The following BUB1 variants were observed in gnomAD, a reference collection of about 807,000 sequenced individuals.
BUB1 encodes the protein BUB1 mitotic checkpoint serine/threonine kinase, also known as mitotic checkpoint serine/threonine-protein kinase BUB1.
A neutral mutation model predicts 135.2 loss-of-function variants in BUB1; 84 were observed. The ratio of observed to expected loss-of-function variants is 0.62; its 90% CI spans 0.52 to 0.74. The LOEUF is 0.74. BUB1 is among the 30% of genes least tolerant of loss of function. The probability of loss-of-function intolerance (pLI) is 0.00; values close to 1 mark genes in which losing one functional copy is unlikely to be tolerated. For missense variants in BUB1, 1,162 were observed against 1,288.3 expected, an observed-to-expected ratio of 0.90 and a Z score of 1.50; for synonymous variants, 403 against 434.4, an observed-to-expected ratio of 0.93 and a Z score of 0.90.
intron 13 of BUB1, 143 bp downstream of exon 13, chr2:110,658,267 C>A (rs932150330): frequency 4.7e-6 from 3 of 631,700 alleles, no homozygotes; most frequent in Non-Finnish European, 8.1e-6. Flanking sequence ...TTGTCAAGAA[C>A]TGTCTTATTT....
chr2:110,671,402 T>C (rs1186199690), intron 4 of BUB1, among the ~76,000 whole-genome samples: 1 of 152,214 alleles, frequency 6.6e-6, no homozygotes, highest in Non-Finnish European at 1.5e-5. Flanking sequence ...TGGTGATAGA[T>C]AAATGGAAGT....
intron 23 of BUB1, chr2:110,640,099 C>T (rs1689463764): frequency 1.7e-6 from 1 of 577,192 alleles, no homozygotes; most frequent in Middle Eastern, 4.7e-4. Context: ...TTCATTCTGT[C>T]ACACAGAGGA....
chr2:110,669,688 A>T (rs1459616845), intron 5 of BUB1, 135 bp from the exon 6 acceptor site: 1 of 565,228 alleles, frequency 1.8e-6, no homozygotes, highest in Non-Finnish European at 3.1e-6. Flanking sequence ...CTGTCTCAGA[A>T]ATTTCAACTA....
At chr2:110,677,471 G>A (rs1312255935) in intron 1 of BUB1, among the ~76,000 whole-genome samples, 2 of 152,270 alleles carry the variant, frequency 1.3e-5, no homozygotes, top group South Asian at 2.1e-4. Flanking sequence ...ACTCAATAAT[G>A]AGCAAAGCTA....
Position 110,638,146 on chromosome 2 carries a change from C to T in BUB1, c.3076G>A (p.Asp1026Asn). Reference protein sequence around the residue: ...EGLFRRLPHLDMWNEFFHVML... With the variant: ...EGLFRRLPHLNMWNEFFHVML... ...ACATGAAAAAATTCATTCCACATAT[C>T]CAAATGAGGAAGCCTGAAAAAGACA... Residue 1026 changes from aspartate to asparagine, a missense_variant, in exon 25 of 25, where the codon GAT (aspartate) becomes AAT (asparagine). Asp to Asn is a conservative substitution (Grantham distance 23). Transcript: ENST00000302759. 6.3e-7 allele frequency: 1 copy of T among 1,594,202 alleles called. No homozygotes were observed. Among genetic ancestry groups the T allele is most frequent in the Non-Finnish European group, 8.5e-7 (1 of 1,171,378 alleles).
intron 11 of BUB1, 81 bp downstream of exon 11, chr2:110,659,897 A>G: frequency 7.8e-7 from 1 of 1,279,040 alleles, no homozygotes; most frequent in Non-Finnish European, 1.1e-6. Flanking sequence ...TGAAGCCTTC[A>G]TAAACCACAG....
Position 110,637,961 on chromosome 2 carries a change from A to T in BUB1, c.*3T>A. ...ATTTTTAAGGACTGTCTATATCCAA[A>T]TTTTATTTTCGTGAACGCTTACATT... On this transcript the variant is annotated 3_prime_UTR_variant, in exon 25 of 25. Transcript: ENST00000302759. 6.8e-7 allele frequency: 1 copy of T among 1,469,470 alleles called. No homozygotes were observed. The highest frequency in any genetic ancestry group is 1.5e-5 in the South Asian group (1 of 66,720). The allele number at this position is 1,469,470 out of a possible 1,614,324, so 91.0% of individuals were successfully genotyped here. A position where few individuals can be genotyped will look rare whatever the true frequency, so the allele number is the denominator to read the frequency against.
At chr2:110,669,356 C>T in intron 6 of BUB1, 97 bp downstream of exon 6, 2 of 851,598 alleles carry the variant, frequency 2.3e-6, no homozygotes, top group Non-Finnish European at 3.9e-6. Flanking sequence ...AGAGAAAGAT[C>T]AAAGAAATGA....
At position 110,638,015 on chromosome 2, in the gene BUB1, T is replaced by C. The variant is rs1286806973; in HGVS notation, c.3207A>G (p.Leu1069=). Residue 1069 remains leucine (L), a synonymous_variant, in exon 25 of 25, where the codon CTA becomes CTG. Coordinates refer to ENST00000302759, the MANE Select transcript of BUB1 (RefSeq NM_004336.5). The part of the protein sequence containing the change: ...QQHYTNKIRA[L]RNRLIVLLLE... Reference sequence around the variant, plus strand: ...AGAGCAGTACAATTAGCCTATTACGTAGGGCCCTAATCTTGTTAGTATAGT... The same window carrying C: ...AGAGCAGTACAATTAGCCTATTACGCAGGGCCCTAATCTTGTTAGTATAGT... 2 of 1,595,486 alleles carry C rather than the reference T, an allele frequency of 1.3e-6. No homozygotes were observed. Among genetic ancestry groups the C allele is most frequent in the Non-Finnish European group, 1.7e-6 (2 of 1,172,278 alleles).
At chr2:110,643,859 A>G (rs1323815434) in intron 19 of BUB1, among the ~76,000 whole-genome samples, 1 of 152,000 alleles carries the variant, frequency 6.6e-6, no homozygotes, top group Non-Finnish European at 1.5e-5. Flanking sequence ...TTCTAATGAA[A>G]AAGGTAGACA....
rs758383993 is a variant in BUB1, at chr2:110,655,864, A to T, written c.1751T>A (p.Ile584Asn). ...GGGTGCCAGGGTTTTGTTGCAGCGA[A>T]TACCCCATACAGTTGAGTCATCCAA... ...EFLDDSTVWG[I>N]RCNKTLAPSP... The change falls in exon 16 of 25, where the codon ATT becomes AAT. Residue 584 changes from isoleucine (I) to asparagine (N), a missense_variant. Transcript: ENST00000302759. 6.2e-7 allele frequency: 1 copy of T among 1,613,974 alleles called. No individual in the cohort carries two copies. Among genetic ancestry groups the T allele is most frequent in the South Asian group, 1.1e-5 (1 of 91,074 alleles).
chr2:110,672,299 G>A (rs564445231), intron 4 of BUB1, among the ~76,000 whole-genome samples: 35 of 152,290 alleles, frequency 2.3e-4, no homozygotes, highest in African/African-American at 8.2e-4. Context: ...TCCAATTGGA[G>A]AGTGGATTAT....
chr2:110,658,325 G>A (rs2104537835), intron 13 of BUB1, 85 bp downstream of exon 13: 1 of 1,107,942 alleles, frequency 9.0e-7, no homozygotes, highest in East Asian at 2.5e-5. Flanking sequence ...ATCAAGGGCA[G>A]GGTCACCTCT....
chr2:110,643,686 C>G (rs1405851154), intron 19 of BUB1, among the ~76,000 whole-genome samples: 2 of 152,120 alleles, frequency 1.3e-5, no homozygotes, highest in African/African-American at 2.4e-5. Flanking sequence ...GTCACCCAGG[C>G]TAGAGTGCAG....
chr2:110,662,630 T>C (rs1455138116), intron 9 of BUB1, among the ~76,000 whole-genome samples: 2 of 152,164 alleles, frequency 1.3e-5, no homozygotes, highest in African/African-American at 2.4e-5. Context: ...CAAAACCCTG[T>C]CTCTACAAAA....
intron 5 of BUB1, among the ~76,000 whole-genome samples, chr2:110,670,126 G>GTTTTTTTTT (rs377459142): frequency 8.3e-6 from 1 of 120,860 alleles, no homozygotes; most frequent in Non-Finnish European, 1.7e-5. Context: ...AATTGGATGG[G>GTTTTTTTTT]TTTTTTTTTT....
intron 8 of BUB1, 63 bp downstream of exon 8, chr2:110,667,458 A>T: frequency 6.9e-7 from 1 of 1,450,994 alleles, no homozygotes; most frequent in Non-Finnish European, 9.4e-7. Context: ...AAAAGTAATT[A>T]CTCAGAGATG....
At chr2:110,654,231 G>A (rs1466597156) in intron 16 of BUB1, among the ~76,000 whole-genome samples, 1 of 151,896 alleles carries the variant, frequency 6.6e-6, no homozygotes, top group East Asian at 1.9e-4. Flanking sequence ...GAGATTTTGG[G>A]TTTTTCACTT....
At chr2:110,655,677 T>C (rs1400046695) in intron 16 of BUB1, 62 bp downstream of exon 16, 2 of 1,381,092 alleles carry the variant, frequency 1.4e-6, no homozygotes, top group African/African-American at 1.4e-5. Context: ...TCAAACTTCA[T>C]GAAGAAAACT....
Sources: allele counts gnomAD v4.1 joint callset (sites outside exome capture counted in the v4.1 genomes callset), GRCh38; gene constraint gnomAD v4.1.1; transcripts MANE v1.5; gene names NCBI Gene and HGNC (gene_info 2026-07-23, HGNC 2026-07-21).